DLGAP2: variants seen among roughly 807,000 people sequenced by gnomAD.
DLGAP2 encodes the protein DLG associated protein 2.
A neutral mutation model predicts 100.3 loss-of-function variants in DLGAP2; 26 were observed. The observed-to-expected ratio is 0.26, with a 90% CI of 0.19 to 0.36. The LOEUF is 0.36. Ranked by LOEUF, DLGAP2 falls within the 10% of genes least tolerant of loss-of-function variation. The pLI, the probability that DLGAP2 is intolerant of heterozygous loss-of-function variation, is 1.00. For synonymous variants in DLGAP2, 886 were observed against 630.1 expected, an observed-to-expected ratio of 1.41 and a Z score of -6.08; for missense variants, 1,858 against 1,453.2, an observed-to-expected ratio of 1.28 and a Z score of -4.53.
At chr8:1,481,698 G>A (rs538256860) in intron 3 of DLGAP2, among the ~76,000 whole-genome samples, 2 of 151,940 alleles carry the variant, frequency 1.3e-5, no homozygotes, top group Admixed American at 6.5e-5. Context: ...GGCTTGTCTC[G>A]AACTCCTGAC....
At chr8:830,447 G>T in intron 1 of DLGAP2, among the ~76,000 whole-genome samples, 1 of 152,112 alleles carries the variant, frequency 6.6e-6, no homozygotes, top group East Asian at 1.9e-4. Flanking sequence ...TTACTTCCAA[G>T]CCCCATGACC....
intron 8 of DLGAP2, among the ~76,000 whole-genome samples, chr8:1,639,818 G>A (rs1237081191): frequency 6.6e-6 from 1 of 152,196 alleles, no homozygotes; most frequent in African/African-American, 2.4e-5. Flanking sequence ...GCTCCAGCCT[G>A]GGCCTCCATT....
rs768356617 is a variant in DLGAP2, at chr8:1,548,644, C to G, written c.191C>G (p.Ser64Trp). The stretch of plus-strand genomic sequence containing the variant: ...CCCACAGACCCGCAGTACTCATGGT[C>G]GCCCACGCAGCACTTCAATGAGGAG... ...EEDLDPQYSW[S>W]PTQHFNEERY... The change falls in exon 5 of 15, where the codon TCG (serine) becomes TGG (tryptophan). Residue 64 changes from serine (S) to tryptophan (W), a missense_variant. Transcript: ENST00000637795. The G allele has an allele frequency of 5.1e-6, 8 of 1,554,760 alleles. No homozygotes were observed. Among genetic ancestry groups the G allele is most frequent in the Non-Finnish European group, 6.1e-6 (7 of 1,151,782 alleles).
chr8:1,053,965 C>CT, intron 2 of DLGAP2, among the ~76,000 whole-genome samples: 1 of 152,156 alleles, frequency 6.6e-6, no homozygotes. Flanking sequence ...TTATTTGGGT[C>CT]TTTTTGTGTA....
At position 870,325 on chromosome 8, in the gene DLGAP2, A is replaced by C. The variant is rs947231300; in HGVS notation, c.19-37587A>C. ...TGTCTTCCATGCTGACCTCTCTTCC[A>C]GTACTGGACATCTTCACTGAGAGGT... On this transcript the variant is annotated intron_variant, in intron 1 of 14. Coordinates refer to ENST00000637795, the MANE Select transcript of DLGAP2 (RefSeq NM_001346810.2). Among the ~76,000 whole-genome samples the C allele has an allele frequency of 2.8e-4, 42 of 152,140 alleles. 1 individual carries two copies. The highest frequency in any genetic ancestry group is 5.9e-5 in the Non-Finnish European group (4 of 68,028).
intron 1 of DLGAP2, among the ~76,000 whole-genome samples, chr8:779,103 C>A (rs1371489302): frequency 6.6e-6 from 1 of 152,252 alleles, no homozygotes; most frequent in Admixed American, 6.5e-5. Flanking sequence ...ACCCGATTTT[C>A]CAGGTGCCGT....
At chr8:1,193,169 A>G (rs983938812) in intron 2 of DLGAP2, among the ~76,000 whole-genome samples, 1 of 152,104 alleles carries the variant, frequency 6.6e-6, no homozygotes, top group South Asian at 2.1e-4. Context: ...ATGATTTATA[A>G]TCCTTTGGGT....
At chr8:1,464,051 C>G (rs1798536006) in intron 3 of DLGAP2, among the ~76,000 whole-genome samples, 1 of 151,896 alleles carries the variant, frequency 6.6e-6, no homozygotes, top group Non-Finnish European at 1.5e-5. Context: ...ACAGAATTCA[C>G]TGAATGTCGC....
Position 1,558,250 on chromosome 8 carries a change from G to C in DLGAP2, c.1231-7433G>C, listed in dbSNP as rs534537844. ...GAGCTGGACGGGGCCAAAGGGCCCAGTCACGTGTGCCCAGTCGCAGGCGGC... is the reference window on the plus strand; with the variant it reads ...GAGCTGGACGGGGCCAAAGGGCCCACTCACGTGTGCCCAGTCGCAGGCGGC... On this transcript the variant is annotated intron_variant, in intron 5 of 14. Transcript: ENST00000637795. Among the ~76,000 whole-genome samples the C allele has an allele frequency of 3.3e-5, 5 of 152,348 alleles. No homozygotes were observed. In the South Asian group the frequency reaches 1.0e-3, roughly 32 times the overall value.
chr8:751,354 C>T (rs774475972), intron 1 of DLGAP2, among the ~76,000 whole-genome samples: 4 of 152,214 alleles, frequency 2.6e-5, no homozygotes, highest in Non-Finnish European at 4.4e-5. Context: ...GCCATCCTCT[C>T]GTGGAAAGGA....
intron 5 of DLGAP2, among the ~76,000 whole-genome samples, chr8:1,549,944 G>T (rs1045441022): frequency 6.6e-6 from 1 of 152,176 alleles, no homozygotes; most frequent in South Asian, 2.1e-4. Flanking sequence ...GTTAACTGCA[G>T]TTACCGTGCT....
At chr8:1,070,437 C>A (rs150177601) in intron 2 of DLGAP2, among the ~76,000 whole-genome samples, 6 of 152,150 alleles carry the variant, frequency 3.9e-5, no homozygotes, top group African/African-American at 1.4e-4. Context: ...TAGAAATGCT[C>A]TTGCTTCTGC....
chr8:1,631,417 T>C (rs1033142472), intron 7 of DLGAP2, among the ~76,000 whole-genome samples: 1 of 152,160 alleles, frequency 6.6e-6, no homozygotes, highest in Non-Finnish European at 1.5e-5. Context: ...TCTAAGACTT[T>C]TCCATAAAAT....
chr8:909,797 T>A (rs1056495414), intron 2 of DLGAP2, among the ~76,000 whole-genome samples: 1 of 152,182 alleles, frequency 6.6e-6, no homozygotes, highest in Admixed American at 6.5e-5. Flanking sequence ...CCATGCAGAA[T>A]GGAAAGATGG....
chr8:931,610 A>G (rs1409484492), intron 2 of DLGAP2, among the ~76,000 whole-genome samples: 1 of 152,072 alleles, frequency 6.6e-6, no homozygotes, highest in Non-Finnish European at 1.5e-5. Flanking sequence ...CCTTACTTCC[A>G]TTTGAATTTC....
chr8:1,546,047 G>A (rs1801524184), intron 4 of DLGAP2, among the ~76,000 whole-genome samples: 1 of 152,170 alleles, frequency 6.6e-6, no homozygotes, highest in Non-Finnish European at 1.5e-5. Flanking sequence ...TTTAGCAGTT[G>A]AATATTGAAT....
chr8:1,521,130 T>G (rs1311298398), intron 4 of DLGAP2, among the ~76,000 whole-genome samples: 1 of 151,242 alleles, frequency 6.6e-6, no homozygotes, highest in Non-Finnish European at 1.5e-5. Flanking sequence ...GTTTGCACAC[T>G]TGTTTTAATT....
chr8:1,688,392 T>C (rs1488960146), intron 12 of DLGAP2: 1 of 152,270 alleles, frequency 6.6e-6, no homozygotes, highest in African/African-American at 2.4e-5. Context: ...CAAAGTGTTA[T>C]CCGAGTTACT....
intron 2 of DLGAP2, among the ~76,000 whole-genome samples, chr8:1,080,624 C>A (rs1159031362): frequency 6.6e-6 from 1 of 152,120 alleles, no homozygotes; most frequent in Admixed American, 6.6e-5. Flanking sequence ...TCAGGCGGAA[C>A]AGGGACCTGG....
Sources: allele counts gnomAD v4.1 joint callset (sites outside exome capture counted in the v4.1 genomes callset), GRCh38; gene constraint gnomAD v4.1.1; transcripts MANE v1.5; gene names NCBI Gene and HGNC (gene_info 2026-07-23, HGNC 2026-07-21).